MAN1A2: variants seen among roughly 807,000 people sequenced by gnomAD.
MAN1A2 encodes the protein mannosyl-oligosaccharide 1,2-alpha-mannosidase IB.
MAN1A2 carries 26 observed loss-of-function variants against 75.7 expected under a neutral mutation model. The ratio of observed to expected loss-of-function variants is 0.34; its 90% CI spans 0.25 to 0.48. The LOEUF is 0.48. MAN1A2 is among the 20% of genes least tolerant of loss of function. The probability of loss-of-function intolerance (pLI) is 0.99; values close to 1 mark genes in which losing one functional copy is unlikely to be tolerated. For synonymous variants in MAN1A2, 247 were observed against 264.6 expected (o/e 0.93, Z 0.65); for missense variants, 562 against 775.5 (o/e 0.72, Z 3.27).
At chr1:117,522,707 G>A in intron 12 of MAN1A2, 118 bp from the exon 13 acceptor site, 2 of 847,312 alleles carry the variant, frequency 2.4e-6, no homozygotes, top group Non-Finnish European at 3.7e-6. Flanking sequence ...TTTCTTTGAT[G>A]TTTTTCATCA....
chr1:117,504,395 A>G (rs1651288649), intron 12 of MAN1A2, among the ~76,000 whole-genome samples: 1 of 148,730 alleles, frequency 6.7e-6, no homozygotes. Context: ...GTTTTGCCAC[A>G]TTTCCTTCTC....
chr1:117,424,761 G>A (rs952183262), intron 5 of MAN1A2, among the ~76,000 whole-genome samples: 1 of 152,162 alleles, frequency 6.6e-6, no homozygotes, highest in African/African-American at 2.4e-5. Context: ...AGGTCACTCA[G>A]AGAGGTGCCT....
intron 3 of MAN1A2, among the ~76,000 whole-genome samples, chr1:117,409,959 C>A (rs536728795): frequency 6.6e-6 from 1 of 151,940 alleles, no homozygotes; most frequent in African/African-American, 2.4e-5. Context: ...CCAGAGAATA[C>A]CAAAATCCAT....
At position 117,513,705 on chromosome 1, in the gene MAN1A2, A is replaced by G. The variant is rs569173250; in HGVS notation, c.1794-9120A>G. Among the ~76,000 whole-genome samples the G allele has an allele frequency of 4.6e-5, 7 of 152,156 alleles. No individual in the cohort carries two copies. The South Asian group carries it at 1.4e-3, about 32-fold the overall frequency. ...AAATGTTTTTAATCTGGTGCTTCTA[A>G]AAGCAGAAATGTAGGAGCTAAAATT... On this transcript the variant is annotated intron_variant, in intron 12 of 12. Transcript: ENST00000356554.
In MAN1A2 at chr1:117,523,497, C is replaced by G. The variant is rs1651926454; in HGVS notation, c.*540C>G. On this transcript the variant is annotated 3_prime_UTR_variant, in exon 13 of 13. Transcript: ENST00000356554. ...GTAACAAGAAGACTCAAAAAAGAAACAGGAGTACCTATCCCTATCTGAATT... is the reference window on the plus strand; with the variant it reads ...GTAACAAGAAGACTCAAAAAAGAAAGAGGAGTACCTATCCCTATCTGAATT... The G allele has an allele frequency of 4.3e-6, 1 of 234,052 alleles. No homozygotes were observed. The highest frequency in any genetic ancestry group is 2.3e-5 in the African/African-American group (1 of 42,838). 14.5% of individuals were successfully genotyped at this position (234,052 alleles called of 1,614,324 possible).
At chr1:117,402,465 T>G (rs372087935) in intron 2 of MAN1A2, 24 bp downstream of exon 2, 1 of 1,566,966 alleles carries the variant, frequency 6.4e-7, no homozygotes, top group Non-Finnish European at 8.6e-7. Flanking sequence ...TTTTGTGATA[T>G]GGAGTGTTTA....
chr1:117,441,182 A>G (rs1649018212), intron 5 of MAN1A2, among the ~76,000 whole-genome samples: 1 of 152,110 alleles, frequency 6.6e-6, no homozygotes, highest in Non-Finnish European at 1.5e-5. Flanking sequence ...AGGAGAGAGT[A>G]ATGGGGATGC....
intron 1 of MAN1A2, among the ~76,000 whole-genome samples, chr1:117,384,256 A>G (rs540650399): frequency 2.6e-5 from 4 of 152,240 alleles, no homozygotes; most frequent in African/African-American, 4.8e-5. Context: ...ATTTACTACT[A>G]TTAATTTTCC....
intron 6 of MAN1A2, among the ~76,000 whole-genome samples, chr1:117,447,754 A>T (rs1375498888): frequency 6.6e-6 from 1 of 152,256 alleles, no homozygotes; most frequent in Admixed American, 6.5e-5. Flanking sequence ...TTTTTAAAAA[A>T]TCAGTCCTTA....
Position 117,499,430 on chromosome 1 carries a change from C to T in MAN1A2, c.1553C>T (p.Ala518Val), listed in dbSNP as rs1159680596. 6.2e-7 allele frequency: 1 copy of T among 1,604,396 alleles called. No homozygotes were observed. The highest frequency in any genetic ancestry group is 8.5e-7 in the Non-Finnish European group (1 of 1,175,654). ...ESFKFDGAVEAVAVRQAEKYY... is the reference protein window; with the variant it reads ...ESFKFDGAVEVVAVRQAEKYY... ...TTCAAGTTTGATGGTGCAGTGGAGG[C>T]TGTGGCTGTCCGGCAGGCTGAAAAG... is the stretch of plus-strand genomic sequence containing the variant. The change falls in exon 11 of 13, where the codon GCT becomes GTT. Residue 518 changes from alanine to valine, a missense_variant. Physicochemically the swap from Ala to Val is moderately conservative, Grantham distance 64 (BLOSUM62 0). Around this residue, in one of 2 missense-constraint regions of MAN1A2, gnomAD observed 434 missense variants for 645.7 expected, o/e 0.67. Coordinates refer to ENST00000356554, the MANE Select transcript of MAN1A2 (RefSeq NM_006699.5).
In MAN1A2 at chr1:117,405,612, A is replaced by G. The variant is rs377581040; in HGVS notation, c.622A>G (p.Ile208Val). Residue 208 changes from isoleucine to valine, a missense_variant, in exon 3 of 13, where the codon ATT becomes GTT. By Grantham distance (29) the Ile-to-Val change is conservative. Transcript: ENST00000356554. Reference protein sequence around the residue: ...YGWGHNELRPIARKGHSPNIF... With the variant: ...YGWGHNELRPVARKGHSPNIF... ...GTGGGGACATAATGAACTCAGACCT[A>G]TTGCAAGGAAAGGACACTCCCCTAA... The G allele has an allele frequency of 1.2e-6, 2 of 1,607,728 alleles. No homozygotes were observed. The highest frequency in any genetic ancestry group is 1.1e-5 in the South Asian group (1 of 90,886).
At position 117,499,425 on chromosome 1, in the gene MAN1A2, G is replaced by A. The variant is rs765973599; in HGVS notation, c.1548G>A (p.Val516=). 2.5e-6 allele frequency: 4 copies of A among 1,603,578 alleles called. No homozygotes were observed. The highest frequency in any genetic ancestry group is 1.1e-5 in the South Asian group (1 of 89,640). ...GPESFKFDGA[V]EAVAVRQAEK... is the part of the protein sequence containing the mutation. ...AATCATTCAAGTTTGATGGTGCAGT[G>A]GAGGCTGTGGCTGTCCGGCAGGCTG... is the stretch of plus-strand genomic sequence containing the variant. The change falls in exon 11 of 13, where the codon GTG becomes GTA. Residue 516 remains valine (V), a synonymous_variant. Transcript: ENST00000356554.
chr1:117,517,755 A>G (rs1161288942), intron 12 of MAN1A2, among the ~76,000 whole-genome samples: 3 of 152,032 alleles, frequency 2.0e-5, no homozygotes, highest in Non-Finnish European at 4.4e-5. Flanking sequence ...AATGGCAAAA[A>G]ACTTTCCAAA....
chr1:117,471,008 C>T (rs1650136134), intron 8 of MAN1A2, among the ~76,000 whole-genome samples: 1 of 151,070 alleles, frequency 6.6e-6, no homozygotes, highest in African/African-American at 2.4e-5. Context: ...GATTTAAAGG[C>T]AAATTACTAG....
intron 12 of MAN1A2, among the ~76,000 whole-genome samples, chr1:117,505,511 A>G (rs75245237): frequency 0.12 from 18,125 of 151,024 alleles, 1,156 homozygotes; most frequent in Non-Finnish European, 0.14. Flanking sequence ...ATTTGCTACA[A>G]TTTTTGCTTT....
intron 11 of MAN1A2, among the ~76,000 whole-genome samples, chr1:117,502,327 G>A (rs1651227398): frequency 6.6e-6 from 1 of 151,682 alleles, no homozygotes; most frequent in East Asian, 1.9e-4. Context: ...GGTACCACCT[G>A]TAATGGCTAA....
At chr1:117,370,062 A>G (rs535412923) in intron 1 of MAN1A2, among the ~76,000 whole-genome samples, 2 of 152,350 alleles carry the variant, frequency 1.3e-5, no homozygotes, top group African/African-American at 4.8e-5. Context: ...TTCTCAGTAA[A>G]TGGAGTTAAA....
intron 3 of MAN1A2, among the ~76,000 whole-genome samples, chr1:117,408,121 T>C (rs1647672039): frequency 1.3e-5 from 2 of 152,042 alleles, no homozygotes; most frequent in Admixed American, 6.5e-5. Context: ...ATTCTAACAA[T>C]GATTAATAGT....
At chr1:117,410,197 C>G (rs924722832) in intron 3 of MAN1A2, among the ~76,000 whole-genome samples, 8 of 151,826 alleles carry the variant, frequency 5.3e-5, no homozygotes, top group Non-Finnish European at 1.2e-4. Flanking sequence ...GGATATGTAA[C>G]TGGTGAATAC....
Sources: allele counts gnomAD v4.1 joint callset (sites outside exome capture counted in the v4.1 genomes callset), GRCh38; gene constraint gnomAD v4.1.1; regional missense constraint gnomAD v4.1.1; transcripts MANE v1.5; gene names NCBI Gene and HGNC (gene_info 2026-07-23, HGNC 2026-07-21).